RPGRIP1L: variants seen among roughly 807,000 people sequenced by gnomAD.
RPGRIP1L encodes the protein RPGRIP1 like.
RPGRIP1L carries 131 observed loss-of-function variants against 160.4 expected under a neutral mutation model. The ratio of observed to expected loss-of-function variants is 0.82; its 90% CI spans 0.71 to 0.94. RPGRIP1L has a LOEUF of 0.94. RPGRIP1L is among the 40% of genes least tolerant of loss of function. The pLI, the probability that RPGRIP1L is intolerant of heterozygous loss-of-function variation, is 0.00. For synonymous variants in RPGRIP1L, 510 were observed against 515.8 expected (o/e 0.99, Z 0.15); for missense variants, 1,522 against 1,535.8 (o/e 0.99, Z 0.15).
rs1028996103 is a variant in RPGRIP1L, at chr16:53,703,812, G to A, written c.-17C>T. 2.5e-6 allele frequency: 1 copy of A among 403,282 alleles called. No homozygotes were observed. Among genetic ancestry groups the A allele is most frequent in the Non-Finnish European group, 4.7e-6 (1 of 213,024 alleles). The allele number at this position is 403,282 out of a possible 1,614,324, so 25.0% of individuals were successfully genotyped here. On this transcript the variant is annotated 5_prime_UTR_variant, in exon 1 of 27. Coordinates refer to ENST00000647211, the MANE Select transcript of RPGRIP1L (RefSeq NM_015272.5). ...CCTCCCGGGTACTCACCGTGCCACTGGCCCTGCAGCTAGCTACCGTTGCTA... is the reference window on the plus strand; with the variant it reads ...CCTCCCGGGTACTCACCGTGCCACTAGCCCTGCAGCTAGCTACCGTTGCTA...
chr16:53,672,402 C>T (rs1968809582), intron 8 of RPGRIP1L, among the ~76,000 whole-genome samples: 1 of 151,994 alleles, frequency 6.6e-6, no homozygotes, highest in Non-Finnish European at 1.5e-5. Flanking sequence ...ACTTAACAGG[C>T]TACATAAAAT....
intron 9 of RPGRIP1L, 132 bp downstream of exon 9, chr16:53,671,378 C>G (rs1431581813): frequency 2.0e-5 from 13 of 654,270 alleles, no homozygotes; most frequent in Non-Finnish European, 3.0e-5. Context: ...TTCCTTTATA[C>G]AGTTTGCATA....
At chr16:53,602,325 TA>T in intron 26 of RPGRIP1L, 137 bp from the exon 27 acceptor site, 1 of 697,454 alleles carries the variant, frequency 1.4e-6, no homozygotes, top group East Asian at 2.7e-5. Context: ...CTTGGGTATC[TA>T]AAGAATAAAC....
At chr16:53,683,944 G>A (rs970881723) in intron 6 of RPGRIP1L, among the ~76,000 whole-genome samples, 1 of 152,098 alleles carries the variant, frequency 6.6e-6, no homozygotes, top group Non-Finnish European at 1.5e-5. Flanking sequence ...GCAGAAAATT[G>A]AAAACGGGCC....
chr16:53,700,793 A>T (rs1598433139), intron 1 of RPGRIP1L, 63 bp from the exon 2 acceptor site: 2 of 1,293,070 alleles, frequency 1.5e-6, no homozygotes, highest in East Asian at 4.7e-5. Context: ...ATGCAATGGA[A>T]TGAACCAAAT....
At chr16:53,654,515 A>G (rs561717965) in intron 14 of RPGRIP1L, among the ~76,000 whole-genome samples, 2 of 152,346 alleles carry the variant, frequency 1.3e-5, no homozygotes, top group African/African-American at 4.8e-5. Flanking sequence ...ATCTTGAGGT[A>G]GAAATAGGCA....
At chr16:53,667,901 A>C (rs1056739479) in intron 9 of RPGRIP1L, among the ~76,000 whole-genome samples, 2 of 151,738 alleles carry the variant, frequency 1.3e-5, no homozygotes, top group Non-Finnish European at 2.9e-5. Context: ...TAATAATAAA[A>C]TTAAAAATTA....
intron 14 of RPGRIP1L, among the ~76,000 whole-genome samples, chr16:53,655,162 T>C (rs1180055616): frequency 6.6e-6 from 1 of 152,210 alleles, no homozygotes; most frequent in Non-Finnish European, 1.5e-5. Context: ...AATCCAGCTG[T>C]TTTCTATTAA....
At chr16:53,674,207 T>G (rs1034924961) in intron 7 of RPGRIP1L, among the ~76,000 whole-genome samples, 4 of 152,136 alleles carry the variant, frequency 2.6e-5, no homozygotes, top group African/African-American at 9.7e-5. Flanking sequence ...GAAAAATATT[T>G]AACTATTGAA....
chr16:53,617,354 A>G (rs891127275), intron 24 of RPGRIP1L, among the ~76,000 whole-genome samples: 2 of 152,136 alleles, frequency 1.3e-5, no homozygotes, highest in Non-Finnish European at 2.9e-5. Context: ...AAAGCCAAAG[A>G]GTTTGTCATT....
intron 26 of RPGRIP1L, among the ~76,000 whole-genome samples, chr16:53,605,145 C>G (rs1257725647): frequency 6.6e-6 from 1 of 151,844 alleles, no homozygotes; most frequent in Admixed American, 6.6e-5. Context: ...TGCACTCCAA[C>G]TTGGGTGACA....
At chr16:53,697,519 G>T (rs1029615454) in intron 2 of RPGRIP1L, among the ~76,000 whole-genome samples, 1 of 151,264 alleles carries the variant, frequency 6.6e-6, no homozygotes, top group Non-Finnish European at 1.5e-5. Flanking sequence ...ACGCCGCCAC[G>T]CCTGGCTGGT....
chr16:53,624,807 C>T (rs1271133728), intron 22 of RPGRIP1L, among the ~76,000 whole-genome samples: 1 of 140,254 alleles, frequency 7.1e-6, no homozygotes, highest in Non-Finnish European at 1.5e-5. Flanking sequence ...TCCACGGTCT[C>T]CCTCTGTTGC....
intron 22 of RPGRIP1L, among the ~76,000 whole-genome samples, chr16:53,624,915 G>A (rs1022452791): frequency 1.3e-5 from 2 of 152,004 alleles, no homozygotes; most frequent in Non-Finnish European, 2.9e-5. Context: ...GCAGGCGTGC[G>A]CCACCACGCC....
chr16:53,635,613 C>G (rs542922347), intron 22 of RPGRIP1L: 5 of 152,296 alleles, frequency 3.3e-5, no homozygotes, highest in African/African-American at 1.2e-4. Context: ...GTGTGAAGCA[C>G]TGTGCCTGGT....
intron 26 of RPGRIP1L, among the ~76,000 whole-genome samples, chr16:53,604,554 T>G (rs1374064382): frequency 6.6e-6 from 1 of 152,172 alleles, no homozygotes; most frequent in African/African-American, 2.4e-5. Context: ...TACAGAAGAA[T>G]AGAGAGTAGA....
At position 53,615,020 on chromosome 16, in the gene RPGRIP1L, C is replaced by G. The variant is rs75450927; in HGVS notation, c.3617-3969G>C. Among the ~76,000 whole-genome samples, 783 of 152,306 alleles carry G rather than the reference C, an allele frequency of 5.1e-3. 4 individuals carry two copies. Among genetic ancestry groups the G allele is most frequent in the Non-Finnish European group, 9.1e-3 (622 of 68,024 alleles). The stretch of plus-strand genomic sequence containing the variant: ...ATAAGGAGTCGATAACCCTGAATCT[C>G]AGATAATGTTTGTATTAAAGAGTAA... On this transcript the variant is annotated intron_variant, in intron 24 of 26. Transcript: ENST00000647211.
At chr16:53,659,550 G>T (rs532298346) in intron 10 of RPGRIP1L, 2 of 152,342 alleles carry the variant, frequency 1.3e-5, no homozygotes, top group South Asian at 4.1e-4. Context: ...ATTACATTAG[G>T]AGGACTGGAT....
intron 2 of RPGRIP1L, among the ~76,000 whole-genome samples, chr16:53,699,833 A>T (rs1971241215): frequency 6.7e-6 from 1 of 149,064 alleles, no homozygotes; most frequent in South Asian, 2.1e-4. Flanking sequence ...AAAAAAAAAA[A>T]AAAAAAATTT....
Sources: gnomAD v4.1 joint callset for allele counts (sites outside exome capture counted in the v4.1 genomes callset) on GRCh38, gnomAD v4.1.1 for gene constraint, MANE v1.5 for transcripts, NCBI Gene and HGNC (gene_info 2026-07-23, HGNC 2026-07-21) for gene names.